Variants in GRIP1 observed in about 807,000 individuals in gnomAD.
GRIP1 encodes the protein glutamate receptor-interacting protein 1.
A neutral mutation model predicts 129.9 loss-of-function variants in GRIP1; 45 were observed. That is an observed-to-expected ratio of 0.35 (90% CI 0.27 to 0.44). The LOEUF (loss-of-function observed/expected upper bound fraction) is 0.44. Among genes scored for constraint, GRIP1 ranks in the 20% least tolerant of loss-of-function variants. The pLI is 1.00. For synonymous variants in GRIP1, 530 were observed against 520.8 expected (o/e 1.02, Z -0.24); for missense variants, 1,196 against 1,396.8 (o/e 0.86, Z 2.29).
At position 66,974,295 on chromosome 12, in the gene GRIP1, T is replaced by C. The variant is rs186915009; in HGVS notation, c.58+94755A>G. ...AATCTCAACCCCCACTCCATACACATACATATTTCTTACCTCCTTGCTTGC... is the reference window on the plus strand; with the variant it reads ...AATCTCAACCCCCACTCCATACACACACATATTTCTTACCTCCTTGCTTGC... On this transcript the variant is annotated intron_variant, in intron 1 of 1. Coordinates refer to the GRIP1 transcript ENST00000643019. Among the ~76,000 whole-genome samples the C allele has an allele frequency of 3.3e-5, 5 of 152,314 alleles. No homozygotes were observed. In the East Asian group the frequency reaches 7.7e-4, roughly 24 times the overall value.
chr12:66,398,696 T>C (rs2056880769), intron 16 of GRIP1, among the ~76,000 whole-genome samples: 2 of 152,002 alleles, frequency 1.3e-5, no homozygotes, highest in African/African-American at 4.8e-5. Context: ...TAAATTCTCC[T>C]TAATGAGAGA....
At chr12:66,543,377 T>C (rs10784552) in intron 2 of GRIP1, among the ~76,000 whole-genome samples, 54,725 of 152,062 alleles carry the variant, frequency 0.36, 10,056 homozygotes, top group African/African-American at 0.41. Context: ...GCGTGTATGA[T>C]GTCAGCTTCA....
At chr12:66,699,199 C>T (rs1010380623) in intron 1 of GRIP1, among the ~76,000 whole-genome samples, 1 of 152,128 alleles carries the variant, frequency 6.6e-6, no homozygotes, top group Non-Finnish European at 1.5e-5. Flanking sequence ...AGTCTAGTGT[C>T]CCAGACAGAC....
chr12:66,659,004 C>T (rs2033340367), intron 1 of GRIP1, among the ~76,000 whole-genome samples: 1 of 152,142 alleles, frequency 6.6e-6, no homozygotes, highest in African/African-American at 2.4e-5. Context: ...CTCCTGAACT[C>T]CTTGCCTTGC....
chr12:66,739,580 G>C (rs2036721723), intron 1 of GRIP1, among the ~76,000 whole-genome samples: 2 of 151,920 alleles, frequency 1.3e-5, no homozygotes, highest in Admixed American at 6.6e-5. Flanking sequence ...CATGGTGCGG[G>C]GGCAGGGAAG....
rs550805987 is a variant in GRIP1, at chr12:66,530,205, T to G, written c.419-291A>C. 4.6e-5 allele frequency among the ~76,000 whole-genome samples: 7 copies of G among 152,342 alleles called. No individual in the cohort carries two copies. The East Asian group carries it at 1.2e-3, about 25-fold the overall frequency. Reference sequence around the variant, plus strand: ...ATAAGAGGGGGATATTTACATTGTTTAAACTCTACCTAACAAGAGAGACAA... The same window carrying G: ...ATAAGAGGGGGATATTTACATTGTTGAAACTCTACCTAACAAGAGAGACAA... On this transcript the variant is annotated intron_variant, in intron 4 of 24. Coordinates refer to ENST00000359742, the MANE Select transcript of GRIP1 (RefSeq NM_001366722.1).
chr12:66,879,830 C>CTT (rs1422289728), intron 1 of GRIP1, among the ~76,000 whole-genome samples: 102 of 152,078 alleles, frequency 6.7e-4, no homozygotes, highest in Non-Finnish European at 1.0e-3. Flanking sequence ...AGCTTATGGG[C>CTT]AATTGAAATA....
chr12:66,937,788 T>C (rs2041511479), intron 1 of GRIP1, among the ~76,000 whole-genome samples: 1 of 152,256 alleles, frequency 6.6e-6, no homozygotes, highest in South Asian at 2.1e-4. Flanking sequence ...GGGCAGTTGA[T>C]GCTACAATAA....
intron 1 of GRIP1, among the ~76,000 whole-genome samples, chr12:66,954,594 C>T (rs930605018): frequency 6.6e-6 from 1 of 152,086 alleles, no homozygotes; most frequent in African/African-American, 2.4e-5. Flanking sequence ...TATGCAGAAC[C>T]CCAAAAGTGC....
intron 1 of GRIP1, among the ~76,000 whole-genome samples, chr12:67,026,091 G>C (rs1468946148): frequency 6.6e-6 from 1 of 152,060 alleles, no homozygotes; most frequent in Non-Finnish European, 1.5e-5. Context: ...TCTACTCCCT[G>C]AATACTGCCT....
chr12:67,059,905 T>C (rs755146478), intron 1 of GRIP1, among the ~76,000 whole-genome samples: 18 of 152,224 alleles, frequency 1.2e-4, no homozygotes, highest in Non-Finnish European at 2.1e-4. Flanking sequence ...AGAAATACTA[T>C]AGCAATTTCA....
At chr12:66,718,083 C>CAA (rs1333220846) in intron 1 of GRIP1, among the ~76,000 whole-genome samples, 1 of 152,116 alleles carries the variant, frequency 6.6e-6, no homozygotes, top group Non-Finnish European at 1.5e-5. Context: ...CAATTTCCTT[C>CAA]AAATCCCCTA....
intron 1 of GRIP1, among the ~76,000 whole-genome samples, chr12:67,013,784 A>G (rs2042744293): frequency 6.6e-6 from 1 of 152,148 alleles, no homozygotes; most frequent in Admixed American, 6.6e-5. Context: ...ATAGAGTCCC[A>G]CCTCCAGGGA....
intron 19 of GRIP1, among the ~76,000 whole-genome samples, chr12:66,382,852 G>A (rs1157563945): frequency 6.6e-6 from 1 of 152,238 alleles, no homozygotes; most frequent in Non-Finnish European, 1.5e-5. Context: ...GCATGTGAAA[G>A]TGTCATCCTT....
intron 1 of GRIP1, among the ~76,000 whole-genome samples, chr12:67,041,780 AAC>A (rs1293188363): frequency 2.6e-5 from 4 of 152,068 alleles, no homozygotes; most frequent in Admixed American, 1.3e-4. Flanking sequence ...CAAAAAAAAA[AAC>A]AACCCTGTAA....
chr12:66,803,550 T>C (rs1592860896), intron 1 of GRIP1, among the ~76,000 whole-genome samples: 1 of 152,192 alleles, frequency 6.6e-6, no homozygotes, highest in Non-Finnish European at 1.5e-5. Context: ...ATAACAAAAT[T>C]GTAAACATGC....
At chr12:66,476,440 A>G (rs1476553862) in intron 7 of GRIP1, among the ~76,000 whole-genome samples, 2 of 152,244 alleles carry the variant, frequency 1.3e-5, no homozygotes, top group African/African-American at 4.8e-5. Context: ...CAGAGGTACA[A>G]GGAGGAGCTG....
intron 1 of GRIP1, among the ~76,000 whole-genome samples, chr12:67,015,958 T>A (rs2135728699): frequency 6.6e-6 from 1 of 152,330 alleles, no homozygotes; most frequent in African/African-American, 2.4e-5. Context: ...ACCATCACTG[T>A]CATCTGCTTC....
At chr12:66,832,627 T>C (rs1163338631) in intron 1 of GRIP1, among the ~76,000 whole-genome samples, 1 of 152,218 alleles carries the variant, frequency 6.6e-6, no homozygotes, top group East Asian at 1.9e-4. Flanking sequence ...GGAGGGGTAC[T>C]AAGCTGGTTA....
Sources: allele counts gnomAD v4.1 joint callset (sites outside exome capture counted in the v4.1 genomes callset), GRCh38; gene constraint gnomAD v4.1.1; transcripts MANE v1.5; gene names NCBI Gene and HGNC (gene_info 2026-07-23, HGNC 2026-07-21).